Variants in KAT14 observed in about 807,000 individuals in gnomAD.
The protein encoded by KAT14 is cysteine-rich protein 2-binding protein.
In KAT14, 66 loss-of-function variants were observed where a neutral mutation model predicts 78.4. The ratio of observed to expected loss-of-function variants is 0.84; its 90% CI spans 0.69 to 1.03. KAT14 has a LOEUF of 1.03. Among genes scored for constraint, KAT14 ranks in the 50% least tolerant of loss-of-function variants. The pLI, the probability that KAT14 is intolerant of heterozygous loss-of-function variation, is 0.00. For synonymous variants in KAT14, 344 were observed against 359.4 expected, an observed-to-expected ratio of 0.96 and a Z score of 0.48; for missense variants, 870 against 972.5, an observed-to-expected ratio of 0.89 and a Z score of 1.40.
intron 7 of KAT14, among the ~76,000 whole-genome samples, chr20:18,173,028 A>G (rs1043233699): frequency 7.2e-5 from 11 of 152,218 alleles, no homozygotes; most frequent in African/African-American, 1.9e-4. Context: ...CTCTTCCCCC[A>G]GGTGAGTTAG....
rs1430828376 is a variant in KAT14, at chr20:18,137,938, G to A, written c.-567G>A. The A allele has an allele frequency of 6.8e-7, 1 of 1,478,540 alleles. No individual in the cohort carries two copies. Among genetic ancestry groups the A allele is most frequent in the Non-Finnish European group, 8.9e-7 (1 of 1,122,538 alleles). 91.6% of individuals were successfully genotyped at this position (1,478,540 alleles called of 1,614,324 possible). A position where few individuals can be genotyped will look rare whatever the true frequency, so the allele number is the denominator to read the frequency against. ...CTCGGGCGGGCGGGAGAGAGAGGCC[G>A]CGGCCGCCAGCGTGGGGATGTCTAG... On this transcript the variant is annotated 5_prime_UTR_variant, in exon 1 of 11. Coordinates refer to ENST00000688188, the MANE Select transcript of KAT14 (RefSeq NM_001392073.1).
intron 8 of KAT14, among the ~76,000 whole-genome samples, chr20:18,182,377 C>T (rs1205057098): frequency 1.3e-5 from 2 of 152,126 alleles, no homozygotes; most frequent in Admixed American, 1.3e-4. Flanking sequence ...CCAGCTTGGC[C>T]TCCCAAAGTG....
rs559189213 is a variant in KAT14 at position 18,162,396 on chromosome 20, C to T, written c.1119C>T (p.Gly373=). 1.4e-5 allele frequency: 22 copies of T among 1,612,512 alleles called. No individual in the cohort carries two copies. The South Asian group carries it at 1.7e-4, about 12-fold the overall frequency. The change falls in exon 7 of 11, where the codon GGC becomes GGT. Residue 373 remains glycine (G), a synonymous_variant. Transcript: ENST00000688188. ...ALFHDDDEME[G]DGVIDPGMEY... ...GCACAGATGACGATGAGATGGAAGG[C>T]GATGGAGTCATAGACCCAGGGATGG...
chr20:18,150,742 CAG>C, intron 3 of KAT14, 77 bp from the exon 4 acceptor site: 2 of 1,590,998 alleles, frequency 1.3e-6, no homozygotes, highest in Non-Finnish European at 1.7e-6. Context: ...GAATATAAAA[CAG>C]AAGAAGCTTT....
intron 1 of KAT14, among the ~76,000 whole-genome samples, chr20:18,141,053 A>C (rs967002766): frequency 3.9e-5 from 2 of 51,388 alleles, no homozygotes; most frequent in Non-Finnish European, 4.0e-5. Flanking sequence ...TTTTATTTTT[A>C]TTTTTGCTAG....
intron 5 of KAT14, among the ~76,000 whole-genome samples, chr20:18,161,170 G>A (rs2038406377): frequency 6.7e-6 from 1 of 149,946 alleles, no homozygotes; most frequent in African/African-American, 2.5e-5. Context: ...GCAAGACCCT[G>A]TCTCAAAAAA....
rs186147079 is a variant in KAT14, at chr20:18,187,696, A to G, written c.*237A>G. On this transcript the variant is annotated 3_prime_UTR_variant, in exon 11 of 11. Coordinates refer to ENST00000688188, the MANE Select transcript of KAT14 (RefSeq NM_001392073.1). ...CTTCAGCCAGCATCCCAGACTCCACAGTTATTTATGAATGATGTCGTGATT... is the reference window on the plus strand; with the variant it reads ...CTTCAGCCAGCATCCCAGACTCCACGGTTATTTATGAATGATGTCGTGATT... The G allele has an allele frequency of 1.1e-5, 6 of 529,550 alleles. No homozygotes were observed. In the East Asian group the frequency reaches 1.9e-4, roughly 17 times the overall value. The allele number at this position is 529,550 out of a possible 1,614,324, so 32.8% of individuals were successfully genotyped here.
intron 7 of KAT14, among the ~76,000 whole-genome samples, chr20:18,181,144 T>TA (rs934081759): frequency 1.3e-5 from 2 of 152,110 alleles, no homozygotes; most frequent in Non-Finnish European, 1.5e-5. Context: ...TCTAATGAGT[T>TA]AAAAAAAATT....
Position 18,187,418 on chromosome 20 carries a change from A to G in KAT14, c.2305A>G (p.Thr769Ala), listed in dbSNP as rs1371109688. The change falls in exon 11 of 11, where the codon ACA becomes GCA. Residue 769 changes from threonine to alanine, a missense_variant. By Grantham distance (58) the Thr-to-Ala change is moderately conservative. Transcript: ENST00000688188. ...TGATAAATATTACCCATTGGAGAGT[A>G]CAGAGTGTAAACACGCATTCTTTCT... Reference protein sequence around the residue: ...FYDKYYPLESTECKHAFFLRL... With the variant: ...FYDKYYPLESAECKHAFFLRL... 1 of 1,614,222 alleles carries G rather than the reference A, an allele frequency of 6.2e-7. No individual in the cohort carries two copies. Among genetic ancestry groups the G allele is most frequent in the South Asian group, 1.1e-5 (1 of 91,072 alleles).
chr20:18,164,365 G>A (rs2038556341), intron 7 of KAT14, among the ~76,000 whole-genome samples: 1 of 151,980 alleles, frequency 6.6e-6, no homozygotes, highest in South Asian at 2.1e-4. Context: ...TCATTTCCTA[G>A]ATGTGGGCAG....
intron 10 of KAT14, among the ~76,000 whole-genome samples, chr20:18,185,927 T>C (rs996416213): frequency 1.3e-5 from 2 of 152,238 alleles, no homozygotes; most frequent in Admixed American, 1.3e-4. Context: ...TAATATGTGC[T>C]ACTTTGGGTG....
chr20:18,161,785 T>C (rs1308187756), intron 5 of KAT14, 38 bp from the exon 6 acceptor site: 15 of 1,576,554 alleles, frequency 9.5e-6, no homozygotes, highest in Non-Finnish European at 1.3e-5. Flanking sequence ...GCATTTCAGA[T>C]GAGGGATACT....
rs1202528797 is a variant in KAT14, at chr20:18,142,395, T to C, written c.-266T>C. ...ATATCTGTTGGACAGACAACACGAG[T>C]TTGTGTGTGTGTGTTGATGGAGAGT... is the stretch of plus-strand genomic sequence containing the variant. On this transcript the variant is annotated 5_prime_UTR_variant, in exon 2 of 11. Coordinates refer to ENST00000688188, the MANE Select transcript of KAT14 (RefSeq NM_001392073.1). 2 of 1,523,126 alleles carry C rather than the reference T, an allele frequency of 1.3e-6. No homozygotes were observed. Among genetic ancestry groups the C allele is most frequent in the South Asian group, 2.4e-5 (2 of 82,442 alleles). 94.4% of individuals were successfully genotyped at this position (1,523,126 alleles called of 1,614,324 possible). A position where few individuals can be genotyped will look rare whatever the true frequency, so the allele number is the denominator to read the frequency against.
At chr20:18,172,077 TGCAC>T (rs2038863685) in intron 7 of KAT14, among the ~76,000 whole-genome samples, 1 of 152,170 alleles carries the variant, frequency 6.6e-6, no homozygotes, top group Non-Finnish European at 1.5e-5. Flanking sequence ...ATGCTGTTAT[TGCAC>T]ACAACAACAA....
intron 1 of KAT14, chr20:18,138,433 A>G (rs1435137778): frequency 5.0e-6 from 5 of 1,002,796 alleles, no homozygotes; most frequent in Non-Finnish European, 4.8e-6. Context: ...TTGGGCCGCT[A>G]GAAAATAGAA....
chr20:18,162,242 AAG>A lies in KAT14; in HGVS notation c.1099+6_1099+7del. 2 of 1,613,824 alleles carry A rather than the reference AAG, an allele frequency of 1.2e-6. No homozygotes were observed. Among genetic ancestry groups the A allele is most frequent in the Non-Finnish European group, 1.7e-6 (2 of 1,179,882 alleles). The stretch of plus-strand genomic sequence containing the variant: ...GCCCCCACAAGCCTTGTTTCATGGT[AAG>A]AGTTTGTTTGCTTTGCTCTTTTATT... On this transcript the variant is annotated splice_donor_5th_base_variant and intron_variant, in intron 6 of 10. Transcript: ENST00000688188.
intron 7 of KAT14, among the ~76,000 whole-genome samples, chr20:18,171,380 C>G (rs2038838208): frequency 6.6e-6 from 1 of 152,194 alleles, no homozygotes; most frequent in Non-Finnish European, 1.5e-5. Flanking sequence ...GCTATCTACT[C>G]CTGCTAAAGA....
chr20:18,162,813 AGTT>A lies in KAT14; in HGVS notation c.1540_1542del (p.Val514del), dbSNP rs1376530914. On this transcript the variant is annotated inframe_deletion, in exon 7 of 11. Transcript: ENST00000688188. ...GATTACCACTTTTTGACTTGGATCAAGTTGTTAATGCTGCTCTTTTGTTAGTTG... is the reference window on the plus strand; with the variant it reads ...GATTACCACTTTTTGACTTGGATCAAGTTAATGCTGCTCTTTTGTTAGTTG... The A allele has an allele frequency of 3.1e-6, 5 of 1,614,240 alleles. No homozygotes were observed. The highest frequency in any genetic ancestry group is 4.2e-6 in the Non-Finnish European group (5 of 1,180,050).
In KAT14 at chr20:18,181,364, C is replaced by CTTTTTTTTTTT. The variant is rs762890490; in HGVS notation, c.1669-334_1669-324dup. On this transcript the variant is annotated intron_variant, in intron 7 of 10. Coordinates refer to ENST00000688188, the MANE Select transcript of KAT14 (RefSeq NM_001392073.1). ...ACCAATCCTCAGAGTAATTTTGTTT[C>CTTTTTTTTTTT]TTTTTTTTTTTTTTTTTTTTTTGAG... Among the ~76,000 whole-genome samples, 332 of 106,794 alleles carry CTTTTTTTTTTT rather than the reference C, an allele frequency of 3.1e-3. 8 individuals are homozygous for CTTTTTTTTTTT. Among genetic ancestry groups the CTTTTTTTTTTT allele is most frequent in the African/African-American group, 0.011 (303 of 27,058 alleles). The allele number at this position is 106,794 out of a possible 152,430, so 70.1% of individuals were successfully genotyped here.
Sources: allele counts gnomAD v4.1 joint callset (sites outside exome capture counted in the v4.1 genomes callset), GRCh38; gene constraint gnomAD v4.1.1; transcripts MANE v1.5; gene names NCBI Gene and HGNC (gene_info 2026-07-23, HGNC 2026-07-21).